ARSB: variants seen among roughly 807,000 people sequenced by gnomAD.
The protein encoded by ARSB is arylsulfatase B, also known as N-acetylgalactosamine-4-sulfatase.
Under a neutral mutation model 50.9 loss-of-function variants are expected in ARSB, and 41 were observed. That is an observed-to-expected ratio of 0.81 (90% CI 0.63 to 1.04). The LOEUF (loss-of-function observed/expected upper bound fraction) is 1.04, where lower values mean the gene tolerates loss of function less well. Ranked by LOEUF, ARSB falls within the 50% of genes least tolerant of loss-of-function variation. The probability of loss-of-function intolerance (pLI) is 0.00; values close to 1 mark genes in which losing one functional copy is unlikely to be tolerated. For synonymous variants in ARSB, 269 were observed against 284.8 expected (o/e 0.94, Z 0.56); for missense variants, 672 against 693.3 (o/e 0.97, Z 0.35).
intron 6 of ARSB, among the ~76,000 whole-genome samples, chr5:78,794,364 G>GAAATAA (rs1743100927): frequency 6.6e-6 from 1 of 152,074 alleles, no homozygotes. Flanking sequence ...GTCTTCAAGT[G>GAAATAA]CACAAACATG....
At chr5:78,922,982 G>A (rs995219282) in intron 4 of ARSB, among the ~76,000 whole-genome samples, 1 of 152,160 alleles carries the variant, frequency 6.6e-6, no homozygotes, top group Admixed American at 6.5e-5. Context: ...CAGGACAAGG[G>A]AGTCAGTATG....
At chr5:78,985,367 G>T, upstream of ARSB, 3 of 1,043,552 alleles carry the variant, frequency 2.9e-6, no homozygotes, top group East Asian at 1.1e-4. Flanking sequence ...ACCCCCAGCG[G>T]GCCGTGGGCT....
At chr5:78,942,230 C>A (rs1490249798) in intron 4 of ARSB, among the ~76,000 whole-genome samples, 25 of 149,980 alleles carry the variant, frequency 1.7e-4, no homozygotes, top group South Asian at 4.2e-4. Flanking sequence ...TTTCAAAAAA[C>A]CAGCTCCTGG....
At chr5:78,844,905 T>A (rs1367981303) in intron 5 of ARSB, among the ~76,000 whole-genome samples, 1 of 152,136 alleles carries the variant, frequency 6.6e-6, no homozygotes, top group Non-Finnish European at 1.5e-5. Flanking sequence ...TTCACTCTTG[T>A]AACTTTTCAA....
At chr5:78,904,663 A>ATTTTCTTTC (rs35321003) in intron 4 of ARSB, among the ~76,000 whole-genome samples, 4 of 141,508 alleles carry the variant, frequency 2.8e-5, no homozygotes, top group Non-Finnish European at 6.2e-5. Context: ...AGGCTGTATA[A>ATTTTCTTTC]TTTTCTTTCT....
intron 1 of ARSB, among the ~76,000 whole-genome samples, chr5:78,972,610 G>A (rs1752504105): frequency 1.3e-5 from 2 of 151,692 alleles, no homozygotes; most frequent in African/African-American, 2.4e-5. Flanking sequence ...TTGACCCTAG[G>A]ACTCAAAAAC....
Position 78,821,887 on chromosome 5 carries a change from T to C in ARSB, c.1213+17469A>G, listed in dbSNP as rs149623174. 4.3e-3 allele frequency among the ~76,000 whole-genome samples: 650 copies of C among 152,346 alleles called. 5 individuals carry two copies. Among genetic ancestry groups the C allele is most frequent in the Non-Finnish European group, 4.6e-3 (312 of 68,032 alleles). ...ACTGCTGATGCCATTATGGAAACTGTCACTCTTCAGAGTTGGAAAGACCCA... is the reference window on the plus strand; with the variant it reads ...ACTGCTGATGCCATTATGGAAACTGCCACTCTTCAGAGTTGGAAAGACCCA... On this transcript the variant is annotated intron_variant, in intron 6 of 7. Coordinates refer to ENST00000264914, the MANE Select transcript of ARSB (RefSeq NM_000046.5).
intron 6 of ARSB, among the ~76,000 whole-genome samples, chr5:78,810,973 G>C (rs1327831588): frequency 6.6e-6 from 1 of 152,182 alleles, no homozygotes; most frequent in Non-Finnish European, 1.5e-5. Context: ...AGTTTCTATA[G>C]AAAATTCAGA....
intron 5 of ARSB, among the ~76,000 whole-genome samples, chr5:78,868,108 G>C (rs1382224874): frequency 6.9e-6 from 1 of 145,392 alleles, no homozygotes. Flanking sequence ...GGGACGTTTA[G>C]AGAAAAAAGA....
chr5:78,838,826 G>T (rs963856766), intron 6 of ARSB, among the ~76,000 whole-genome samples: 1 of 150,850 alleles, frequency 6.6e-6, no homozygotes. Flanking sequence ...GGTTAATTTA[G>T]GCAGGAGGCA....
At chr5:78,782,042 T>C (rs1402777589) in intron 6 of ARSB, 68 bp from the exon 7 acceptor site, 2 of 1,599,056 alleles carry the variant, frequency 1.3e-6, no homozygotes, top group Non-Finnish European at 1.7e-6. Flanking sequence ...ATCAGCATTT[T>C]ATACCCTTGC....
intron 1 of ARSB, among the ~76,000 whole-genome samples, chr5:78,984,682 A>C (rs1343354345): frequency 6.6e-6 from 1 of 151,968 alleles, no homozygotes; most frequent in Non-Finnish European, 1.5e-5. Flanking sequence ...AGAAAACGAA[A>C]GACAAAGCCA....
chr5:78,970,872 G>A (rs1752425518), intron 1 of ARSB, among the ~76,000 whole-genome samples: 1 of 146,918 alleles, frequency 6.8e-6, no homozygotes, highest in African/African-American at 2.6e-5. Flanking sequence ...GAGGTGGGAG[G>A]ATCACTTGAG....
intron 5 of ARSB, among the ~76,000 whole-genome samples, chr5:78,882,158 A>G (rs1747779118): frequency 6.6e-6 from 1 of 152,252 alleles, no homozygotes; most frequent in African/African-American, 2.4e-5. Flanking sequence ...GTTAGGCCAG[A>G]TAACTTTTTT....
At chr5:78,866,201 G>C (rs1746720621) in intron 5 of ARSB, among the ~76,000 whole-genome samples, 1 of 152,198 alleles carries the variant, frequency 6.6e-6, no homozygotes, top group Admixed American at 6.5e-5. Flanking sequence ...TGGACTTACA[G>C]TTTCACTTGG....
At chr5:78,800,910 G>A (rs1743366077) in intron 6 of ARSB, among the ~76,000 whole-genome samples, 1 of 152,180 alleles carries the variant, frequency 6.6e-6, no homozygotes. Context: ...ATTCAGAGAG[G>A]AGGATGAGCA....
At chr5:78,900,838 G>C (rs936936495) in intron 4 of ARSB, among the ~76,000 whole-genome samples, 2 of 152,006 alleles carry the variant, frequency 1.3e-5, no homozygotes, top group African/African-American at 4.8e-5. Context: ...AGGAGATCGA[G>C]ACCATCCTGG....
chr5:78,888,008 C>T (rs554607120), intron 4 of ARSB, among the ~76,000 whole-genome samples: 13 of 152,320 alleles, frequency 8.5e-5, no homozygotes, highest in African/African-American at 2.6e-4. Context: ...CTTTTGGTGG[C>T]GCCCTTAACA....
At chr5:78,882,728 A>G (rs1384639793) in intron 5 of ARSB, among the ~76,000 whole-genome samples, 1 of 151,932 alleles carries the variant, frequency 6.6e-6, no homozygotes, top group Non-Finnish European at 1.5e-5. Context: ...TTCTAAGGAA[A>G]TATGACAAAA....
Sources: allele counts gnomAD v4.1 joint callset (sites outside exome capture counted in the v4.1 genomes callset), GRCh38; gene constraint gnomAD v4.1.1; transcripts MANE v1.5; gene names NCBI Gene and HGNC (gene_info 2026-07-23, HGNC 2026-07-21).